FDXR: variants seen among roughly 807,000 people sequenced by gnomAD.
The protein encoded by FDXR is ferredoxin reductase, also known as NADPH:adrenodoxin oxidoreductase, mitochondrial.
In FDXR, 38 loss-of-function variants were observed where a neutral mutation model predicts 58.3. That is an observed-to-expected ratio of 0.65 (90% confidence interval 0.50 to 0.85). FDXR has a LOEUF of 0.85. FDXR is among the 40% of genes least tolerant of loss of function. The pLI is 0.00. For missense variants in FDXR, 624 were observed against 671.0 expected, an observed-to-expected ratio of 0.93 and a Z score of 0.77; for synonymous variants, 275 against 273.8, an observed-to-expected ratio of 1.00 and a Z score of -0.04.
Position 74,864,247 on chromosome 17 carries a change from A to T in FDXR, c.903T>A (p.Arg301=), listed in dbSNP as rs2038084084. The T allele has an allele frequency of 6.2e-7, 1 of 1,603,326 alleles. No homozygotes were observed. The highest frequency in any genetic ancestry group is 1.3e-5 in the African/African-American group (1 of 74,700). ...TTCGGAAAAAGCGGAGGCCCCAGGCACGGGAGGCCGATGCCTGGCGGGCAG... is the reference window on the plus strand; with the variant it reads ...TTCGGAAAAAGCGGAGGCCCCAGGCTCGGGAGGCCGATGCCTGGCGGGCAG... ...AEAARQASAS[R]AWGLRFFRSP... is the part of the protein sequence containing the mutation. The change falls in exon 9 of 12, where the codon CGT becomes CGA. Residue 301 remains arginine (R), a synonymous_variant. Transcript: ENST00000293195.
chr17:74,862,708 C>T lies in FDXR; in HGVS notation c.*109G>A, dbSNP rs973893521. ...TGGAAGAGCAGCCAAGCCTCCAAGCCAGGGCCGGCCGGGATCAGCAGAGGT... is the reference window on the plus strand; with the variant it reads ...TGGAAGAGCAGCCAAGCCTCCAAGCTAGGGCCGGCCGGGATCAGCAGAGGT... On this transcript the variant is annotated 3_prime_UTR_variant, in exon 12 of 12. Coordinates refer to ENST00000293195, the MANE Select transcript of FDXR (RefSeq NM_024417.5). The T allele has an allele frequency of 5.6e-6, 8 of 1,425,780 alleles. No homozygotes were observed. Among genetic ancestry groups the T allele is most frequent in the Non-Finnish European group, 5.6e-6 (6 of 1,071,582 alleles). 88.3% of individuals were successfully genotyped at this position (1,425,780 alleles called of 1,614,324 possible). A position where few individuals can be genotyped will look rare whatever the true frequency, so the allele number is the denominator to read the frequency against.
chr17:74,867,242 G>A (rs1244820148), intron 2 of FDXR, among the ~76,000 whole-genome samples: 1 of 149,494 alleles, frequency 6.7e-6, no homozygotes, highest in Non-Finnish European at 1.5e-5. Context: ...AGGAGGCAGA[G>A]GTTGCAGTGA....
chr17:74,869,977 T>G (rs1260238550), intron 2 of FDXR: 1 of 453,584 alleles, frequency 2.2e-6, no homozygotes, highest in South Asian at 1.5e-5. Context: ...CGACACCTGC[T>G]TTGCAGGTTG....
intron 1 of FDXR, 114 bp downstream of exon 1, chr17:74,872,752 C>T (rs1221560824): frequency 1.3e-6 from 2 of 1,532,356 alleles, no homozygotes; most frequent in African/African-American, 1.4e-5. Flanking sequence ...AGCAGGAAGA[C>T]ACCCCTTCAG....
chr17:74,870,800 T>TC (rs1197766688), intron 2 of FDXR, among the ~76,000 whole-genome samples: 1 of 126,512 alleles, frequency 7.9e-6, no homozygotes, highest in African/African-American at 4.0e-5. Context: ...TGTCTCTCTT[T>TC]TTTTTTTTTT....
rs770691402 is a variant in FDXR, at chr17:74,866,514, C to T, written c.325G>A (p.Gly109Ser). The T allele has an allele frequency of 6.2e-7, 1 of 1,613,822 alleles. No homozygotes were observed. Among genetic ancestry groups the T allele is most frequent in the Non-Finnish European group, 8.5e-7 (1 of 1,180,016 alleles). The change falls in exon 4 of 12, where the codon GGC (glycine) becomes AGC (serine). Residue 109 changes from glycine to serine, a missense_variant. Transcript: ENST00000293195. ...TAHSGRCAFW[G>S]NVEVGRDVTV... ...ACGTCCCTGCCCACCTCCACGTTGCCCCAGAAGGCACAGCGGCCAGAATGG... is the reference window on the plus strand; with the variant it reads ...ACGTCCCTGCCCACCTCCACGTTGCTCCAGAAGGCACAGCGGCCAGAATGG...
At position 74,863,966 on chromosome 17, in the gene FDXR, G is replaced by A; in HGVS notation, c.1104C>T (p.Asp368=). The part of the protein sequence containing the change: ...SSIGYKSRPV[D]PSVPFDSKLG... ...GCTTGGAGTCAAAGGGCACGCTTGG[G>A]TCGACAGGGCGGCTCTTATACCCAA... Residue 368 remains aspartate, a synonymous_variant, in exon 10 of 12, where the codon GAC becomes GAT. Transcript: ENST00000293195. 2 of 1,614,096 alleles carry A rather than the reference G, an allele frequency of 1.2e-6. No homozygotes were observed.
intron 4 of FDXR, 71 bp downstream of exon 4, chr17:74,866,375 C>T (rs2038182955): frequency 6.3e-7 from 1 of 1,590,652 alleles, no homozygotes; most frequent in Non-Finnish European, 8.6e-7. Context: ...ACCCCTGCTG[C>T]CTTCCACCCC....
At chr17:74,868,762 TC>T in intron 2 of FDXR, 1 of 1,480,350 alleles carries the variant, frequency 6.8e-7, no homozygotes, top group Non-Finnish European at 9.0e-7. Flanking sequence ...CTGAGGTTCT[TC>T]CGATTGGCCC....
At position 74,864,402 on chromosome 17, in the gene FDXR, G is replaced by A. The variant is rs2038093316; in HGVS notation, c.803-55C>T. On this transcript the variant is annotated intron_variant, in intron 8 of 11. Transcript: ENST00000293195. Reference sequence around the variant, plus strand: ...GTCCCTGGGCCCCGGCCCTCTCCCTGCATGCCCTTCCCCAATCCCTCTCTG... The same window carrying A: ...GTCCCTGGGCCCCGGCCCTCTCCCTACATGCCCTTCCCCAATCCCTCTCTG... 11 of 1,602,912 alleles carry A rather than the reference G, an allele frequency of 6.9e-6. No homozygotes were observed. The South Asian group carries it at 1.0e-4, about 15-fold the overall frequency.
In FDXR at chr17:74,868,617, C is replaced by T. The variant is rs2038272367; in HGVS notation, c.178-1741G>A. ...TGGGTCACGATGTCCTCTCCAGGGC[C>T]ACCTCCGGAACGCTAAGTCTGCCGG... On this transcript the variant is annotated intron_variant, in intron 2 of 11. Coordinates refer to ENST00000293195, the MANE Select transcript of FDXR (RefSeq NM_024417.5). The T allele has an allele frequency of 2.0e-6, 3 of 1,535,576 alleles. No homozygotes were observed. The East Asian group carries it at 7.3e-5, about 38-fold the overall frequency.
chr17:74,865,490 G>A (rs2038143650), intron 6 of FDXR, among the ~76,000 whole-genome samples: 1 of 152,010 alleles, frequency 6.6e-6, no homozygotes, highest in African/African-American at 2.4e-5. Context: ...GTGGCTTACT[G>A]AAGAGTAAGA....
chr17:74,868,711 C>A (rs931033717), intron 2 of FDXR: 1 of 1,525,738 alleles, frequency 6.6e-7, no homozygotes, highest in African/African-American at 1.4e-5. Flanking sequence ...CCTTCCCTCC[C>A]TCCTGTCCCT....
chr17:74,869,801 T>G (rs769987063), intron 2 of FDXR: 29 of 363,538 alleles, frequency 8.0e-5, no homozygotes, highest in Non-Finnish European at 1.5e-4. Flanking sequence ...CAGTAAAGCC[T>G]GCGCCCAGAA....
At chr17:74,872,397 C>T in intron 1 of FDXR, 1 of 855,922 alleles carries the variant, frequency 1.2e-6, no homozygotes, top group East Asian at 2.7e-5. Context: ...ACACTTCATT[C>T]CCTATCCAAT....
rs1328330363 is a variant in FDXR, at chr17:74,864,152, A to G, written c.998T>C (p.Leu333Pro). The G allele has an allele frequency of 1.2e-6, 2 of 1,612,730 alleles. No homozygotes were observed. The highest frequency in any genetic ancestry group is 1.7e-5 in the Admixed American group (1 of 60,006). ...AAGVRLAVTRLEGVDEATRAV... is the reference protein window; with the variant it reads ...AAGVRLAVTRPEGVDEATRAV... ...TTTGGGAAACATGAGACTCACCTCCAGTCTAGTGACTGCTAGGCGGACACC... is the reference window on the plus strand; with the variant it reads ...TTTGGGAAACATGAGACTCACCTCCGGTCTAGTGACTGCTAGGCGGACACC... The change falls in exon 9 of 12, where the codon CTG becomes CCG. Residue 333 changes from leucine (L) to proline (P), a missense_variant. Transcript: ENST00000293195.
intron 2 of FDXR, among the ~76,000 whole-genome samples, chr17:74,867,659 TAGAA>T (rs138185972): frequency 6.6e-6 from 1 of 152,206 alleles, no homozygotes; most frequent in Non-Finnish European, 1.5e-5. Context: ...CTCCCACTCT[TAGAA>T]AGACAGTCTC....
chr17:74,864,049 G>A lies in FDXR; in HGVS notation c.1021C>T (p.Arg341Cys), dbSNP rs754660776. ...TRLEGVDEAT[R>C]AVPTGDMEDL... ...TCCATGTCTCCCGTGGGCACTGCACGGGTGGCCTCATCGACACCCTGTTGG... is the reference window on the plus strand; with the variant it reads ...TCCATGTCTCCCGTGGGCACTGCACAGGTGGCCTCATCGACACCCTGTTGG... The change falls in exon 10 of 12, where the codon CGT becomes TGT. Residue 341 changes from arginine (R) to cysteine (C), a missense_variant. By Grantham distance (180) the Arg-to-Cys change is radical. Coordinates refer to ENST00000293195, the MANE Select transcript of FDXR (RefSeq NM_024417.5). 17 of 1,613,828 alleles carry A rather than the reference G, an allele frequency of 1.1e-5. No homozygotes were observed. Among genetic ancestry groups the A allele is most frequent in the South Asian group, 2.2e-5 (2 of 91,090 alleles).
chr17:74,866,398 T>C (rs776221918), intron 4 of FDXR, 48 bp downstream of exon 4: 11 of 1,605,460 alleles, frequency 6.9e-6, no homozygotes, highest in Admixed American at 1.7e-5. Flanking sequence ...GCCACCGGCC[T>C]CCTTCTGCAG....
Sources: allele counts gnomAD v4.1 joint callset (sites outside exome capture counted in the v4.1 genomes callset), GRCh38; gene constraint gnomAD v4.1.1; transcripts MANE v1.5; gene names NCBI Gene and HGNC (gene_info 2026-07-23, HGNC 2026-07-21).